STRAP: variants seen among roughly 807,000 people sequenced by gnomAD.
STRAP encodes serine-threonine kinase receptor-associated protein.
STRAP carries 16 observed loss-of-function variants against 47.0 expected under a neutral mutation model. The ratio of observed to expected loss-of-function variants is 0.34; its 90% CI spans 0.23 to 0.52. STRAP has a LOEUF of 0.52. Ranked by LOEUF, STRAP falls within the 20% of genes least tolerant of loss-of-function variation. STRAP has a pLI of 0.96. For missense variants in STRAP, 293 were observed against 420.0 expected, an observed-to-expected ratio of 0.70 and a Z score of 2.64; for synonymous variants, 130 against 142.7, an observed-to-expected ratio of 0.91 and a Z score of 0.63.
In STRAP at chr12:15,882,664, A is replaced by G. The variant is rs1370322350; in HGVS notation, c.-44A>G. ...GCAGCAGAAGAGAGAAAAGACAACG[A>G]CGACCCTCAGCTCGCCAGTCCGGTC... On this transcript the variant is annotated 5_prime_UTR_variant, in exon 1 of 10. Transcript: ENST00000419869. 6.5e-7 allele frequency: 1 copy of G among 1,534,156 alleles called. No individual in the cohort carries two copies. The highest frequency in any genetic ancestry group is 8.9e-7 in the Non-Finnish European group (1 of 1,126,732).
chr12:15,895,255 G>A, intron 5 of STRAP, 104 bp from the exon 6 acceptor site: 1 of 940,464 alleles, frequency 1.1e-6, no homozygotes, highest in Non-Finnish European at 1.5e-6. Flanking sequence ...TTGTTTTTCT[G>A]TAATTGTGAT....
chr12:15,887,830 CAA>C lies in STRAP; in HGVS notation c.249-2088_249-2087del, dbSNP rs57651924. Reference sequence around the variant, plus strand: ...TGGGCAATATACCAAGATCCTGTCTCAAAAAAAAAAAGAGAGAGAGGTTTTAA... The same window carrying C: ...TGGGCAATATACCAAGATCCTGTCTCAAAAAAAAAGAGAGAGAGGTTTTAA... On this transcript the variant is annotated intron_variant, in intron 2 of 9. Coordinates refer to ENST00000419869, the MANE Select transcript of STRAP (RefSeq NM_007178.4). This position sits in a 1 kb window ranked among gnomAD's most constrained non-coding sequence, Gnocchi z 5.5. Among the ~76,000 whole-genome samples the C allele has an allele frequency of 7.2e-6, 1 of 139,596 alleles. No individual in the cohort carries two copies. The highest frequency in any genetic ancestry group is 1.6e-5 in the Non-Finnish European group (1 of 63,798). 91.6% of individuals were successfully genotyped at this position (139,596 alleles called of 152,430 possible).
At chr12:15,893,525 T>A (rs1948034921) in intron 4 of STRAP, among the ~76,000 whole-genome samples, 1 of 147,158 alleles carries the variant, frequency 6.8e-6, no homozygotes, top group Admixed American at 6.8e-5. Context: ...ATATACTTTT[T>A]ATTTATTATA....
In STRAP at chr12:15,890,024, A is replaced by T; in HGVS notation, c.330+15A>T. The T allele has an allele frequency of 6.2e-7, 1 of 1,612,462 alleles. No homozygotes were observed. The highest frequency in any genetic ancestry group is 8.5e-7 in the Non-Finnish European group (1 of 1,178,694). ...ATTTCACGCAGGTATCAGAAAATGG[A>T]ATTTATTTTAGCGAGTTAAGTTGCT... On this transcript the variant is annotated intron_variant, in intron 3 of 9. Coordinates refer to ENST00000419869, the MANE Select transcript of STRAP (RefSeq NM_007178.4). The surrounding 1 kb of genome is among the most constrained non-coding windows in gnomAD (Gnocchi z 4.5).
Position 15,894,372 on chromosome 12 carries a change from T to C in STRAP, c.500+229T>C, listed in dbSNP as rs990264113. Among the ~76,000 whole-genome samples, 3 of 152,222 alleles carry C rather than the reference T, an allele frequency of 2.0e-5. No individual in the cohort carries two copies. Among genetic ancestry groups the C allele is most frequent in the Admixed American group, 1.3e-4 (2 of 15,290 alleles). On this transcript the variant is annotated intron_variant, in intron 5 of 9. Transcript: ENST00000419869. The surrounding 1 kb of genome is among the most constrained non-coding windows in gnomAD (Gnocchi z 4.9). ...TACTCGGGAGGCCGAGGCAGGAGAA[T>C]CACTTGAACCTGCGAGGCAGAGGTT... is the stretch of plus-strand genomic sequence containing the variant.
intron 4 of STRAP, among the ~76,000 whole-genome samples, chr12:15,891,142 T>C (rs1278521733): frequency 6.6e-6 from 1 of 152,216 alleles, no homozygotes; most frequent in African/African-American, 2.4e-5. Context: ...AGTCTTTTTT[T>C]CTGCACAGTT....
At chr12:15,891,871 G>A (rs549327418) in intron 4 of STRAP, among the ~76,000 whole-genome samples, 5 of 152,012 alleles carry the variant, frequency 3.3e-5, no homozygotes, top group Admixed American at 6.6e-5. Context: ...GCTTGAACCC[G>A]GGAGGTAGAG....
intron 6 of STRAP, among the ~76,000 whole-genome samples, chr12:15,895,918 T>G (rs1948056174): frequency 6.6e-6 from 1 of 151,606 alleles, no homozygotes; most frequent in South Asian, 2.1e-4. Context: ...CATTAATGTT[T>G]TTTACTATAT....
chr12:15,902,985 A>G lies in STRAP; in HGVS notation c.*7A>G, dbSNP rs774082484. 60 of 1,411,140 alleles carry G rather than the reference A, an allele frequency of 4.3e-5. No individual in the cohort carries two copies. The East Asian group carries it at 1.0e-3, about 24-fold the overall frequency. 87.4% of individuals were successfully genotyped at this position (1,411,140 alleles called of 1,614,324 possible). A position where few individuals can be genotyped will look rare whatever the true frequency, so the allele number is the denominator to read the frequency against. On this transcript the variant is annotated 3_prime_UTR_variant, in exon 10 of 10. Coordinates refer to ENST00000419869, the MANE Select transcript of STRAP (RefSeq NM_007178.4). ...TCCTGATGTTAAGGCCTGAGCGTCAATCATATGTGCAGTTAGTATACAACT... is the reference window on the plus strand; with the variant it reads ...TCCTGATGTTAAGGCCTGAGCGTCAGTCATATGTGCAGTTAGTATACAACT...
At position 15,882,513 on chromosome 12, in the gene STRAP, G is replaced by A. The variant is rs1278199044; in HGVS notation, c.-195G>A. 5.6e-6 allele frequency: 3 copies of A among 533,402 alleles called. No individual in the cohort carries two copies. Among genetic ancestry groups the A allele is most frequent in the Non-Finnish European group, 1.0e-5 (3 of 295,588 alleles). The allele number at this position is 533,402 out of a possible 1,614,324, so 33.0% of individuals were successfully genotyped here. A position where few individuals can be genotyped will look rare whatever the true frequency, so the allele number is the denominator to read the frequency against. ...CCTCCCTCGTCGACTGTTGCTTGCT[G>A]GTCGCAGACTCCCTGACCCCTCCCT... On this transcript the variant is annotated 5_prime_UTR_variant, in exon 1 of 10. Coordinates refer to ENST00000419869, the MANE Select transcript of STRAP (RefSeq NM_007178.4).
intron 2 of STRAP, among the ~76,000 whole-genome samples, chr12:15,888,129 G>A (rs1947986098): frequency 6.6e-6 from 1 of 152,186 alleles, no homozygotes; most frequent in Admixed American, 6.5e-5. Context: ...GAAAGGAATG[G>A]TTAATTATTG....
chr12:15,886,750 T>G (rs1192260942), intron 2 of STRAP, among the ~76,000 whole-genome samples: 1 of 152,192 alleles, frequency 6.6e-6, no homozygotes, highest in Non-Finnish European at 1.5e-5. Context: ...AAACAATTTT[T>G]TTTTCCCTCC....
chr12:15,897,870 AT>A lies in STRAP; in HGVS notation c.639-4del. On this transcript the variant is annotated splice_polypyrimidine_tract_variant and intron_variant, in intron 6 of 9. Coordinates refer to ENST00000419869, the MANE Select transcript of STRAP (RefSeq NM_007178.4). Reference sequence around the variant, plus strand: ...TTCAAGATTTGTAAATACTACTTAAATTTTTTTTCAGTTTGGACCCAATTAA... The same window carrying A: ...TTCAAGATTTGTAAATACTACTTAAATTTTTTTCAGTTTGGACCCAATTAA... 8 of 1,497,026 alleles carry A rather than the reference AT, an allele frequency of 5.3e-6. No individual in the cohort carries two copies. The highest frequency in any genetic ancestry group is 5.0e-5 in the Admixed American group (2 of 39,868). 92.7% of individuals were successfully genotyped at this position (1,497,026 alleles called of 1,614,324 possible).
chr12:15,900,541 TTTG>T (rs1275448187), intron 8 of STRAP, among the ~76,000 whole-genome samples: 3 of 150,660 alleles, frequency 2.0e-5, no homozygotes, highest in Non-Finnish European at 4.4e-5. Context: ...AAAAGAAAAA[TTTG>T]TTGTACAATC....
chr12:15,902,833 T>C, intron 9 of STRAP, 84 bp from the exon 10 acceptor site: 1 of 1,416,202 alleles, frequency 7.1e-7, no homozygotes, highest in East Asian at 2.5e-5. Flanking sequence ...CATTCCTTCA[T>C]TACACAGAAA....
chr12:15,897,507 A>C (rs1591988764), intron 6 of STRAP, among the ~76,000 whole-genome samples: 1 of 152,280 alleles, frequency 6.6e-6, no homozygotes, highest in East Asian at 1.9e-4. Context: ...TTTTCTGTTT[A>C]CAAAGATAAT....
At chr12:15,893,370 A>T (rs990752952) in intron 4 of STRAP, among the ~76,000 whole-genome samples, 9 of 150,166 alleles carry the variant, frequency 6.0e-5, no homozygotes, top group South Asian at 4.2e-4. Context: ...CCGTGTTCTT[A>T]TTAAATTATG....
At chr12:15,897,817 T>TCA in intron 6 of STRAP, 65 bp from the exon 7 acceptor site, 1 of 1,227,940 alleles carries the variant, frequency 8.1e-7, no homozygotes, top group Non-Finnish European at 1.1e-6. Context: ...TAAGAACAGT[T>TCA]CAAATGTAAC....
chr12:15,891,390 A>T (rs543523342), intron 4 of STRAP, among the ~76,000 whole-genome samples: 8 of 152,338 alleles, frequency 5.3e-5, no homozygotes, highest in South Asian at 4.1e-4. Flanking sequence ...AAAGAATTTT[A>T]AAAAATCTGC....
Sources: allele counts gnomAD v4.1 joint callset (sites outside exome capture counted in the v4.1 genomes callset), GRCh38; gene constraint gnomAD v4.1.1; non-coding constraint Gnocchi (gnomAD v3.1); transcripts MANE v1.5; gene names NCBI Gene and HGNC (gene_info 2026-07-23, HGNC 2026-07-21).